AGAP1: variants seen among roughly 807,000 people sequenced by gnomAD.
AGAP1 encodes arf-GAP with GTPase, ANK repeat and PH domain-containing protein 1.
A neutral mutation model predicts 105.3 loss-of-function variants in AGAP1; 29 were observed. The observed-to-expected ratio is 0.28, with a 90% confidence interval of 0.21 to 0.38. The LOEUF (loss-of-function observed/expected upper bound fraction) is 0.38, where lower values mean the gene tolerates loss of function less well. AGAP1 is among the 10% of genes least tolerant of loss of function. The probability of loss-of-function intolerance (pLI) is 1.00; values close to 1 mark genes in which losing one functional copy is unlikely to be tolerated. For synonymous variants in AGAP1, 509 were observed against 485.9 expected, an observed-to-expected ratio of 1.05 and a Z score of -0.63; for missense variants, 998 against 1,165.1, an observed-to-expected ratio of 0.86 and a Z score of 2.09.
rs1028332715 is a variant in AGAP1, at chr2:235,557,559, G to C, written c.163+62710G>C. ...ACGATGATGTCAGTGAACATTTATT[G>C]GCCTTTTTTTCTGTGCCAATAACTC... On this transcript the variant is annotated intron_variant, in intron 1 of 17. Transcript: ENST00000304032. This position sits in a 1 kb window ranked among gnomAD's most constrained non-coding sequence, Gnocchi z 4.7. 1.3e-5 allele frequency among the ~76,000 whole-genome samples: 2 copies of C among 152,130 alleles called. No individual in the cohort carries two copies. The highest frequency in any genetic ancestry group is 4.8e-5 in the African/African-American group (2 of 41,414).
intron 1 of AGAP1, among the ~76,000 whole-genome samples, chr2:235,544,148 A>C (rs757997983): frequency 6.6e-6 from 1 of 152,218 alleles, no homozygotes; most frequent in Non-Finnish European, 1.5e-5. Flanking sequence ...AAGGCATTTC[A>C]TTTGTGAATG....
In AGAP1 at chr2:236,086,567, C is replaced by G. The variant is rs187042598; in HGVS notation, c.2115-33625C>G. On this transcript the variant is annotated intron_variant, in intron 16 of 17. Coordinates refer to ENST00000304032, the MANE Select transcript of AGAP1 (RefSeq NM_001037131.3). ...GTAACATAGTTTCTCTTTTAAATAG[C>G]TGGAAGTCTCATCCAAACAAAACTA... 5.1e-3 allele frequency among the ~76,000 whole-genome samples: 775 copies of G among 152,296 alleles called. 6 individuals carry two copies. Among genetic ancestry groups the G allele is most frequent in the African/African-American group, 0.018 (734 of 41,562 alleles).
In AGAP1 at chr2:235,644,135, G is replaced by C. The variant is rs12989508; in HGVS notation, c.164-65044G>C. 4.0e-3 allele frequency among the ~76,000 whole-genome samples: 614 copies of C among 152,322 alleles called. 1 individual carries two copies. Among genetic ancestry groups the C allele is most frequent in the Middle Eastern group, 0.027 (8 of 294 alleles). On this transcript the variant is annotated intron_variant, in intron 1 of 17. Transcript: ENST00000304032. ...GGAAGGTCAGCCTTGCAGACTTGTA[G>C]ATGTCATAGGATTATTTGAGCTGCT...
At chr2:235,772,905 CTGTT>C (rs1167963849) in intron 6 of AGAP1, among the ~76,000 whole-genome samples, 8 of 152,162 alleles carry the variant, frequency 5.3e-5, no homozygotes, top group Non-Finnish European at 8.8e-5. Context: ...CGGGATGGCT[CTGTT>C]TGATTTTGTT....
rs567357153 is a variant in AGAP1 at position 235,599,249 on chromosome 2, G to A, written c.163+104400G>A. Among the ~76,000 whole-genome samples, 513 of 152,226 alleles carry A rather than the reference G, an allele frequency of 3.4e-3. 4 individuals carry two copies. The highest frequency in any genetic ancestry group is 4.7e-3 in the Non-Finnish European group (322 of 68,030). ...GAGAACCCACACAGCTGTTCATTTC[G>A]GTGGCCGAGGGCCTGTGGGCTGCAG... On this transcript the variant is annotated intron_variant, in intron 1 of 17. Transcript: ENST00000304032. The surrounding 1 kb of genome is among the most constrained non-coding windows in gnomAD (Gnocchi z 5.3).
chr2:235,742,412 C>T (rs1952644530), intron 4 of AGAP1, among the ~76,000 whole-genome samples: 1 of 152,188 alleles, frequency 6.6e-6, no homozygotes, highest in African/African-American at 2.4e-5. Flanking sequence ...GATTTCAAAG[C>T]TGTTAAAGTG....
intron 16 of AGAP1, among the ~76,000 whole-genome samples, chr2:236,098,426 C>T (rs938272509): frequency 6.6e-6 from 1 of 151,796 alleles, no homozygotes; most frequent in Non-Finnish European, 1.5e-5. Context: ...AAAAATCAGC[C>T]GGGCATGGTG....
rs887188617 is a variant in AGAP1, at chr2:235,733,832, T to C, written c.311-7131T>C. ...GTAGTAGTTACTTTGTATTTTACAA[T>C]GTAAATTAAAAAAAAAAGTTGGGAG... On this transcript the variant is annotated intron_variant, in intron 3 of 17. Transcript: ENST00000304032. This position sits in a 1 kb window ranked among gnomAD's most constrained non-coding sequence, Gnocchi z 5.0. Among the ~76,000 whole-genome samples the C allele has an allele frequency of 3.2e-4, 48 of 152,108 alleles. 1 individual carries two copies. The highest frequency in any genetic ancestry group is 8.7e-4 in the African/African-American group (36 of 41,412).
intron 16 of AGAP1, among the ~76,000 whole-genome samples, chr2:236,108,128 G>A (rs533839661): frequency 6.6e-5 from 10 of 152,276 alleles, no homozygotes; most frequent in South Asian, 4.1e-4. Context: ...GCTGTGCTCC[G>A]TCCCTCCGCC....
Position 236,040,862 on chromosome 2 carries a change from C to T in AGAP1, c.1891+21C>T, listed in dbSNP as rs1248574773. 7 of 1,613,470 alleles carry T rather than the reference C, an allele frequency of 4.3e-6. No individual in the cohort carries two copies. The highest frequency in any genetic ancestry group is 5.1e-6 in the Non-Finnish European group (6 of 1,179,492). ...CCAGAGTAAGTGTGTGCGGTGGTAG[C>T]AGGGGCTGGCGCTGTGTAGCTGGAG... On this transcript the variant is annotated intron_variant, in intron 15 of 17. Coordinates refer to ENST00000304032, the MANE Select transcript of AGAP1 (RefSeq NM_001037131.3). This position sits in a 1 kb window ranked among gnomAD's most constrained non-coding sequence, Gnocchi z 5.6.
intron 9 of AGAP1, among the ~76,000 whole-genome samples, chr2:235,850,958 G>A (rs1003591679): frequency 1.3e-5 from 2 of 152,192 alleles, no homozygotes; most frequent in African/African-American, 4.8e-5. Context: ...TGGCTGTTCC[G>A]GGACCTGGCC....
intron 1 of AGAP1, among the ~76,000 whole-genome samples, chr2:235,594,850 A>G (rs1945466567): frequency 6.8e-6 from 1 of 147,656 alleles, no homozygotes; most frequent in Non-Finnish European, 1.5e-5. Context: ...CTGGGATTAC[A>G]GGCGTGAGCC....
chr2:235,567,778 C>A (rs564875953), intron 1 of AGAP1, among the ~76,000 whole-genome samples: 1 of 146,730 alleles, frequency 6.8e-6, no homozygotes, highest in African/African-American at 2.5e-5. Context: ...CTGTGGGGGG[C>A]GGCTGAGGAA....
intron 1 of AGAP1, among the ~76,000 whole-genome samples, chr2:235,704,969 CTTTTTTT>C (rs969370505): frequency 0.012 from 710 of 59,660 alleles, 10 homozygotes; most frequent in Non-Finnish European, 0.014. Context: ...ATGCTTTTTT[CTTTTTTT>C]TTTTTTTTTT....
At position 235,971,200 on chromosome 2, in the gene AGAP1, C is replaced by T. The variant is rs144338289; in HGVS notation, c.1645+2577C>T. ...TAAAAAGAAAATGTATCATTTTTCC[C>T]TAGGAAAAGTTACTTATCAGACTAC... On this transcript the variant is annotated intron_variant, in intron 13 of 17. Coordinates refer to ENST00000304032, the MANE Select transcript of AGAP1 (RefSeq NM_001037131.3). This position sits in a 1 kb window ranked among gnomAD's most constrained non-coding sequence, Gnocchi z 4.8. Among the ~76,000 whole-genome samples the T allele has an allele frequency of 5.0e-3, 767 of 152,200 alleles. 6 individuals are homozygous for T. The highest frequency in any genetic ancestry group is 0.031 in the Middle Eastern group (9 of 294).
At chr2:236,019,651 T>C (rs2056825593) in intron 13 of AGAP1, among the ~76,000 whole-genome samples, 2 of 152,218 alleles carry the variant, frequency 1.3e-5, no homozygotes, top group Admixed American at 1.3e-4. Context: ...CGGGGCTTAG[T>C]ACAGAGCCTG....
chr2:236,100,577 C>A (rs986896852), intron 16 of AGAP1, among the ~76,000 whole-genome samples: 2 of 152,108 alleles, frequency 1.3e-5, no homozygotes, highest in African/African-American at 4.8e-5. Context: ...GCAATCCCAG[C>A]ACTTTGGGTG....
intron 1 of AGAP1, among the ~76,000 whole-genome samples, chr2:235,548,129 C>T (rs1018431583): frequency 5.3e-5 from 8 of 152,214 alleles, no homozygotes; most frequent in African/African-American, 1.7e-4. Context: ...GGCACGATTG[C>T]TCTGCTGTTC....
intron 13 of AGAP1, among the ~76,000 whole-genome samples, chr2:235,974,384 C>G (rs1256013486): frequency 1.3e-5 from 2 of 152,198 alleles, no homozygotes; most frequent in African/African-American, 4.8e-5. Flanking sequence ...AGTTGTGTAG[C>G]AAAGATCTTT....
Sources: allele counts gnomAD v4.1 joint callset (sites outside exome capture counted in the v4.1 genomes callset), GRCh38; gene constraint gnomAD v4.1.1; non-coding constraint Gnocchi (gnomAD v3.1); transcripts MANE v1.5; gene names NCBI Gene and HGNC (gene_info 2026-07-23, HGNC 2026-07-21).